Variants in SLC7A2 observed in about 807,000 individuals in gnomAD.
SLC7A2 encodes solute carrier family 7 member 2.
SLC7A2 carries 48 observed loss-of-function variants against 58.9 expected under a neutral mutation model. That is an observed-to-expected ratio of 0.82 (90% CI 0.65 to 1.04). The LOEUF is 1.04. Among genes scored for constraint, SLC7A2 ranks in the 50% least tolerant of loss-of-function variants. SLC7A2 has a pLI of 0.00. For missense variants in SLC7A2, 1,029 were observed against 818.8 expected, an observed-to-expected ratio of 1.26 and a Z score of -3.13; for synonymous variants, 363 against 314.5, an observed-to-expected ratio of 1.15 and a Z score of -1.63.
At position 17,562,102 on chromosome 8, in the gene SLC7A2, G is replaced by A. The variant is rs1394047246; in HGVS notation, c.1663G>A (p.Ala555Thr). ...GCAGCCCCAGAATCAGCAAAAAGTA[G>A]CCTTCATGGTATGTGTAATGAGGAT... ...WRQPQNQQKV[A>T]FMVPFLPFLP... The change falls in exon 11 of 13, where the codon GCC (alanine) becomes ACC (threonine). Residue 555 changes from alanine (A) to threonine (T), a missense_variant. Ala to Thr is a moderately conservative substitution (Grantham distance 58). Transcript: ENST00000494857. The A allele has an allele frequency of 1.2e-6, 2 of 1,603,378 alleles. No homozygotes were observed. Among genetic ancestry groups the A allele is most frequent in the Non-Finnish European group, 1.7e-6 (2 of 1,175,034 alleles).
intron 8 of SLC7A2, 58 bp downstream of exon 8, chr8:17,554,757 C>A (rs1481617302): frequency 1.3e-6 from 2 of 1,515,816 alleles, no homozygotes; most frequent in Non-Finnish European, 1.8e-6. Flanking sequence ...AAGGACTCTG[C>A]ATTAAAAATA....
chr8:17,543,317 G>A lies in SLC7A2; in HGVS notation c.-22-1G>A. 1 of 1,597,648 alleles carries A rather than the reference G, an allele frequency of 6.3e-7. No homozygotes were observed. Among genetic ancestry groups the A allele is most frequent in the South Asian group, 1.1e-5 (1 of 88,024 alleles). ...CTTCTAACCTCCTCCCTTCTGCTCA[G>A]GTCGCCTTCGTCAGACGTCAGAATG... is the stretch of plus-strand genomic sequence containing the variant. On this transcript the variant is annotated splice_acceptor_variant, in intron 2 of 12. Transcript: ENST00000494857. LOFTEE classifies it low-confidence loss of function (5UTR_SPLICE).
intron 9 of SLC7A2, among the ~76,000 whole-genome samples, chr8:17,559,534 C>G (rs888190987): frequency 1.3e-5 from 2 of 152,006 alleles, no homozygotes; most frequent in Non-Finnish European, 2.9e-5. Flanking sequence ...CCACTGGACT[C>G]CAGCCTGGGC....
At chr8:17,548,602 A>G (rs1802288495) in intron 4 of SLC7A2, 76 bp from the exon 5 acceptor site, 2 of 1,020,538 alleles carry the variant, frequency 2.0e-6, no homozygotes, top group Non-Finnish European at 3.0e-6. Flanking sequence ...ATAATATCCT[A>G]AAGTCATGTA....
rs1005464785 is a variant in SLC7A2 at position 17,555,175 on chromosome 8, G to T, written c.1195+476G>T. 4 of 1,174,230 alleles carry T rather than the reference G, an allele frequency of 3.4e-6. No homozygotes were observed. In the African/African-American group the frequency reaches 4.7e-5, roughly 14 times the overall value. 72.7% of individuals were successfully genotyped at this position (1,174,230 alleles called of 1,614,324 possible). ...TAAAGAGGGTCTGCATGCTGTGCATGTAAGTTAAAAAAAACAAAATCACTG... is the reference window on the plus strand; with the variant it reads ...TAAAGAGGGTCTGCATGCTGTGCATTTAAGTTAAAAAAAACAAAATCACTG... On this transcript the variant is annotated intron_variant, in intron 8 of 12. Transcript: ENST00000494857.
chr8:17,543,409 A>C lies in SLC7A2; in HGVS notation c.70A>C (p.Ser24Arg). 6.2e-7 allele frequency: 1 copy of C among 1,614,198 alleles called. No individual in the cohort carries two copies. The highest frequency in any genetic ancestry group is 8.5e-7 in the Non-Finnish European group (1 of 1,180,026). The change falls in exon 3 of 13, where the codon AGT (serine) becomes CGT (arginine). Residue 24 changes from serine (S) to arginine (R), a missense_variant. Coordinates refer to ENST00000494857, the MANE Select transcript of SLC7A2 (RefSeq NM_001370338.1). ...LIRRKIVTLD[S>R]LEDTKLCRCL... The stretch of plus-strand genomic sequence containing the variant: ...CCGGAGAAAAATCGTGACCCTGGAC[A>C]GTCTAGAAGACACCAAATTATGCCG...
intron 4 of SLC7A2, among the ~76,000 whole-genome samples, chr8:17,547,308 T>C (rs1802219290): frequency 1.3e-5 from 2 of 151,910 alleles, no homozygotes; most frequent in Non-Finnish European, 2.9e-5. Context: ...AACCATCAGA[T>C]CTCATGAGGT....
At chr8:17,494,983 G>A (rs959402064), upstream of SLC7A2, among the ~76,000 whole-genome samples, 2 of 152,190 alleles carry the variant, frequency 1.3e-5, no homozygotes, top group Non-Finnish European at 2.9e-5. Context: ...TGACAAAATT[G>A]GCAGTTTCCA....
chr8:17,517,105 T>C (rs1021920977), intron 2 of SLC7A2, among the ~76,000 whole-genome samples: 1 of 152,184 alleles, frequency 6.6e-6, no homozygotes, highest in Non-Finnish European at 1.5e-5. Flanking sequence ...ATATCTCTGC[T>C]CACTCCCCCT....
At chr8:17,524,489 G>T (rs745760119) in intron 2 of SLC7A2, among the ~76,000 whole-genome samples, 1 of 151,258 alleles carries the variant, frequency 6.6e-6, no homozygotes, top group Non-Finnish European at 1.5e-5. Flanking sequence ...AAACAGGAAT[G>T]AAATAATGGT....
At chr8:17,526,348 A>G (rs2588208) in intron 2 of SLC7A2, among the ~76,000 whole-genome samples, 78,794 of 152,036 alleles carry the variant, frequency 0.52, 20,921 homozygotes, top group Middle Eastern at 0.59. Context: ...GAGGCCTGGT[A>G]TGGTGGCAGC....
In SLC7A2 at chr8:17,551,871, A is replaced by ATC. The variant is rs1339969700; in HGVS notation, c.941_942insCT (p.Met314IlefsTer15). 1 of 1,613,724 alleles carries ATC rather than the reference A, an allele frequency of 6.2e-7. No homozygotes were observed. Among genetic ancestry groups the ATC allele is most frequent in the Non-Finnish European group, 8.5e-7 (1 of 1,179,974 alleles). On this transcript the variant is annotated frameshift_variant, in exon 7 of 13. Coordinates refer to ENST00000494857, the MANE Select transcript of SLC7A2 (RefSeq NM_001370338.1). LOFTEE classifies it high-confidence loss of function. Reference sequence around the variant, plus strand: ...GGTCTCTGCAGCTTTAACACTTATGATGCCGTACTACCTCCTCGATGAAAA... The same window carrying ATC: ...GGTCTCTGCAGCTTTAACACTTATGATCTGCCGTACTACCTCCTCGATGAAAA...
At chr8:17,562,174 G>T (rs1041176766) in intron 11 of SLC7A2, 64 bp downstream of exon 11, 7 of 694,550 alleles carry the variant, frequency 1.0e-5, no homozygotes, top group Non-Finnish European at 1.0e-5. Flanking sequence ...AATTAGTTTG[G>T]TAAGTATTTT....
chr8:17,522,495 TGATAA>T (rs1801054969), intron 2 of SLC7A2, among the ~76,000 whole-genome samples: 2 of 152,180 alleles, frequency 1.3e-5, no homozygotes, highest in African/African-American at 2.4e-5. Context: ...TGTACCACCC[TGATAA>T]GTACCTGGGG....
chr8:17,555,964 G>A (rs991625663), intron 8 of SLC7A2, among the ~76,000 whole-genome samples: 1 of 152,120 alleles, frequency 6.6e-6, no homozygotes, highest in Non-Finnish European at 1.5e-5. Flanking sequence ...TTTCGTTGAG[G>A]CTCTGAATTG....
intron 4 of SLC7A2, among the ~76,000 whole-genome samples, chr8:17,545,605 C>G (rs1000175570): frequency 6.6e-6 from 1 of 151,836 alleles, no homozygotes. Context: ...ACTATGTTGG[C>G]CAGGCTGGTC....
chr8:17,564,508 A>G (rs1199411760), intron 12 of SLC7A2, among the ~76,000 whole-genome samples: 1 of 152,100 alleles, frequency 6.6e-6, no homozygotes, highest in African/African-American at 2.4e-5. Flanking sequence ...GGCACCAGGG[A>G]CGGGTTTTGT....
Position 17,562,080 on chromosome 8 carries a change from G to C in SLC7A2, c.1641G>C (p.Gln547His), listed in dbSNP as rs1182459136. 1.2e-5 allele frequency: 19 copies of C among 1,613,038 alleles called. No homozygotes were observed. Among genetic ancestry groups the C allele is most frequent in the Non-Finnish European group, 1.6e-5 (19 of 1,179,794 alleles). ...CCATCGTTCTCACCATCTGGAGGCA[G>C]CCCCAGAATCAGCAAAAAGTAGCCT... ...FVAIVLTIWR[Q>H]PQNQQKVAFM... is the part of the protein sequence containing the mutation. Residue 547 changes from glutamine to histidine, a missense_variant, in exon 11 of 13, where the codon CAG (glutamine) becomes CAC (histidine). By Grantham distance (24) the Gln-to-His change is conservative. Coordinates refer to ENST00000494857, the MANE Select transcript of SLC7A2 (RefSeq NM_001370338.1).
intron 8 of SLC7A2, among the ~76,000 whole-genome samples, chr8:17,557,851 G>A (rs942584243): frequency 1.1e-5 from 1 of 89,402 alleles, no homozygotes; most frequent in Non-Finnish European, 2.1e-5. Flanking sequence ...GAATTGAGTT[G>A]TCTATAACTC....
Sources: gnomAD v4.1 joint callset for allele counts (sites outside exome capture counted in the v4.1 genomes callset) on GRCh38, gnomAD v4.1.1 for gene constraint, MANE v1.5 for transcripts, NCBI Gene and HGNC (gene_info 2026-07-23, HGNC 2026-07-21) for gene names.